Variants in MTMR12 observed in about 807,000 individuals in gnomAD.
MTMR12 encodes myotubularin-related protein 12.
Under a neutral mutation model 96.7 loss-of-function variants are expected in MTMR12, and 33 were observed. The observed-to-expected ratio is 0.34, with a 90% CI of 0.26 to 0.46. The LOEUF is 0.46. Ranked by LOEUF, MTMR12 falls within the 20% of genes least tolerant of loss-of-function variation. The pLI is 1.00. For synonymous variants in MTMR12, 298 were observed against 327.2 expected, an observed-to-expected ratio of 0.91 and a Z score of 0.96; for missense variants, 721 against 896.1, an observed-to-expected ratio of 0.80 and a Z score of 2.49.
At chr5:32,304,112 G>A (rs997599647) in intron 1 of MTMR12, among the ~76,000 whole-genome samples, 14 of 152,082 alleles carry the variant, frequency 9.2e-5, no homozygotes, top group Non-Finnish European at 2.1e-4. Flanking sequence ...ACAAGGTCAG[G>A]AGATCAAGAC....
At chr5:32,253,886 C>A (rs1053166701) in intron 8 of MTMR12, among the ~76,000 whole-genome samples, 2 of 152,208 alleles carry the variant, frequency 1.3e-5, no homozygotes, top group South Asian at 4.1e-4. Flanking sequence ...GGTCTCCCAA[C>A]GTGCTGGGAT....
intron 1 of MTMR12, among the ~76,000 whole-genome samples, chr5:32,298,982 G>T (rs1312515277): frequency 6.7e-6 from 1 of 150,276 alleles, no homozygotes; most frequent in African/African-American, 2.5e-5. Flanking sequence ...GAACAATGCT[G>T]GAAAGAAATG....
intron 1 of MTMR12, among the ~76,000 whole-genome samples, chr5:32,277,381 A>T (rs1750096044): frequency 6.6e-6 from 1 of 152,182 alleles, no homozygotes; most frequent in African/African-American, 2.4e-5. Context: ...TAGCAAAGCA[A>T]GGCTGCTCAA....
chr5:32,229,956 T>TG lies in MTMR12; in HGVS notation c.2065dup (p.Gln689ProfsTer3). The TG allele has an allele frequency of 6.2e-7, 1 of 1,612,254 alleles. No individual in the cohort carries two copies. The highest frequency in any genetic ancestry group is 8.5e-7 in the Non-Finnish European group (1 of 1,178,866). On this transcript the variant is annotated frameshift_variant, in exon 16 of 16. Transcript: ENST00000382142. LOFTEE classifies it high-confidence loss of function. Reference sequence around the variant, plus strand: ...CCTCAGCAGGCAGGGGGCCTCAGCCTGGGGGGCCTGCTGGCTGTGGTGTCT... The same window carrying TG: ...CCTCAGCAGGCAGGGGGCCTCAGCCTGGGGGGGCCTGCTGGCTGTGGTGTCT...
intron 5 of MTMR12, among the ~76,000 whole-genome samples, chr5:32,270,476 T>G (rs1749788674): frequency 6.6e-6 from 1 of 152,208 alleles, no homozygotes; most frequent in African/African-American, 2.4e-5. Flanking sequence ...GGAAAGACTG[T>G]CAGAGGTGGG....
rs780210844 is a variant in MTMR12 at position 32,312,858 on chromosome 5, G to C, written c.-20C>G. On this transcript the variant is annotated 5_prime_UTR_variant, in exon 1 of 16. Coordinates refer to ENST00000382142, the MANE Select transcript of MTMR12 (RefSeq NM_001040446.3). This position sits in a 1 kb window ranked among gnomAD's most constrained non-coding sequence, Gnocchi z 5.0. ...CAGCATACCGCCGCCCTGGGAAGCA[G>C]CGACGCGCGGACGCAGAGGCGGCGG... 8 of 1,516,034 alleles carry C rather than the reference G, an allele frequency of 5.3e-6. No individual in the cohort carries two copies. Among genetic ancestry groups the C allele is most frequent in the Middle Eastern group, 2.1e-4 (1 of 4,866 alleles). The allele number at this position is 1,516,034 out of a possible 1,614,324, so 93.9% of individuals were successfully genotyped here.
At chr5:32,282,721 A>C (rs1416056673) in intron 1 of MTMR12, among the ~76,000 whole-genome samples, 8 of 152,114 alleles carry the variant, frequency 5.3e-5, no homozygotes, top group Admixed American at 3.9e-4. Context: ...CTCAAAAATA[A>C]GTTTAATTGG....
intron 1 of MTMR12, among the ~76,000 whole-genome samples, chr5:32,284,673 C>T (rs1750452437): frequency 6.6e-6 from 1 of 152,212 alleles, no homozygotes. Context: ...TCCCTACCAA[C>T]TACCTAGTTA....
intron 1 of MTMR12, among the ~76,000 whole-genome samples, chr5:32,302,724 A>T (rs77466097): frequency 2.6e-4 from 38 of 146,302 alleles, no homozygotes; most frequent in African/African-American, 8.9e-4. Flanking sequence ...ACTCCGTATA[A>T]AAAAAAAAAA....
Position 32,274,055 on chromosome 5 carries a change from C to A in MTMR12, c.210G>T (p.Gly70=). The A allele has an allele frequency of 1.2e-6, 2 of 1,614,136 alleles. 1 individual carries two copies. Among genetic ancestry groups the A allele is most frequent in the South Asian group, 2.2e-5 (2 of 91,076 alleles). ...CTGTGCAGACAAGCCTCCCATAGAC[C>A]CCATGCTGACAGGAATCTTCCTGGA... is the stretch of plus-strand genomic sequence containing the variant. ...KYVQEDSCQH[G]VYGRLVCTDF... is the part of the protein sequence containing the mutation. The change falls in exon 3 of 16, where the codon GGG becomes GGT. Residue 70 remains glycine, a synonymous_variant. Coordinates refer to ENST00000382142, the MANE Select transcript of MTMR12 (RefSeq NM_001040446.3).
intron 7 of MTMR12, among the ~76,000 whole-genome samples, chr5:32,260,732 G>C (rs533305353): frequency 4.0e-5 from 6 of 151,350 alleles, no homozygotes; most frequent in Admixed American, 2.6e-4. Context: ...TGCAGGGCGG[G>C]GGGGAGGGGG....
rs560603961 is a variant in MTMR12, at chr5:32,298,993, AG to A, written c.81+13764del. On this transcript the variant is annotated intron_variant, in intron 1 of 15. Coordinates refer to ENST00000382142, the MANE Select transcript of MTMR12 (RefSeq NM_001040446.3). ...AAAAGAACAATGCTGGAAAGAAATGAGGTCAAGTCTTGCCACAATCAGGACC... is the reference window on the plus strand; with the variant it reads ...AAAAGAACAATGCTGGAAAGAAATGAGTCAAGTCTTGCCACAATCAGGACC... Among the ~76,000 whole-genome samples the A allele has an allele frequency of 2.6e-5, 4 of 151,418 alleles. No individual in the cohort carries two copies. In the South Asian group the frequency reaches 8.4e-4, roughly 32 times the overall value.
intron 10 of MTMR12, among the ~76,000 whole-genome samples, chr5:32,244,235 C>T (rs972228932): frequency 9.3e-5 from 14 of 150,958 alleles, no homozygotes; most frequent in Non-Finnish European, 1.8e-4. Flanking sequence ...GCTATGGTGG[C>T]GCCACTGCAC....
At chr5:32,308,944 A>G (rs538922810) in intron 1 of MTMR12, among the ~76,000 whole-genome samples, 1 of 152,314 alleles carries the variant, frequency 6.6e-6, no homozygotes, top group South Asian at 2.1e-4. Flanking sequence ...TTTAGGACAG[A>G]GCCTTATCCT....
chr5:32,272,041 C>T (rs762691768), intron 3 of MTMR12, 136 bp from the exon 4 acceptor site: 1 of 459,124 alleles, frequency 2.2e-6, no homozygotes, highest in Non-Finnish European at 3.8e-6. Context: ...CCTGTAATCC[C>T]AGCACTTTGG....
At chr5:32,296,424 A>G (rs1750926795) in intron 1 of MTMR12, 1 of 317,906 alleles carries the variant, frequency 3.1e-6, no homozygotes, top group Admixed American at 3.1e-5. Context: ...GGCTGGAGTG[A>G]GCTGAGATCA....
chr5:32,303,336 G>A (rs538850303), intron 1 of MTMR12, among the ~76,000 whole-genome samples: 3 of 152,076 alleles, frequency 2.0e-5, no homozygotes, highest in Admixed American at 6.5e-5. Context: ...TTAGAGTTGC[G>A]ATACGGGAGG....
At chr5:32,281,248 T>TAAAAAAAAAA (rs72123716) in intron 1 of MTMR12, among the ~76,000 whole-genome samples, 1 of 107,466 alleles carries the variant, frequency 9.3e-6, no homozygotes. Context: ...ACTCTATCAT[T>TAAAAAAAAAA]AAAAAAAAAA....
intron 7 of MTMR12, among the ~76,000 whole-genome samples, chr5:32,259,559 A>G (rs1749275859): frequency 6.6e-6 from 1 of 152,220 alleles, no homozygotes; most frequent in Non-Finnish European, 1.5e-5. Flanking sequence ...AGGACATAAC[A>G]ATGGGCAAAA....
Sources: gnomAD v4.1 joint callset for allele counts (sites outside exome capture counted in the v4.1 genomes callset) on GRCh38, gnomAD v4.1.1 for gene constraint, Gnocchi (gnomAD v3.1) non-coding constraint, MANE v1.5 for transcripts, NCBI Gene and HGNC (gene_info 2026-07-23, HGNC 2026-07-21) for gene names.